The following MCCC2 variants were observed in gnomAD, a reference collection of about 807,000 sequenced individuals.
The protein encoded by MCCC2 is methylcrotonyl-CoA carboxylase subunit 2, also known as methylcrotonoyl-CoA carboxylase beta chain, mitochondrial.
Under a neutral mutation model 77.2 loss-of-function variants are expected in MCCC2, and 52 were observed. The observed-to-expected ratio is 0.67, with a 90% CI of 0.54 to 0.85. The LOEUF is 0.85. MCCC2 is among the 40% of genes least tolerant of loss of function. The pLI is 0.00. For missense variants in MCCC2, 682 were observed against 703.2 expected (o/e 0.97, Z 0.34); for synonymous variants, 253 against 248.4 (o/e 1.02, Z -0.18).
intron 6 of MCCC2, among the ~76,000 whole-genome samples, chr5:71,612,169 T>C (rs188874759): frequency 1.3e-5 from 2 of 152,328 alleles, no homozygotes; most frequent in Admixed American, 1.3e-4. Context: ...TTTATTAAGA[T>C]TAGGTATTAG....
intron 15 of MCCC2, among the ~76,000 whole-genome samples, chr5:71,650,828 T>C (rs1392827941): frequency 1.3e-5 from 2 of 152,172 alleles, no homozygotes; most frequent in Non-Finnish European, 2.9e-5. Context: ...TTTTTGTATT[T>C]TTAGTAGAGA....
intron 6 of MCCC2, among the ~76,000 whole-genome samples, chr5:71,624,663 T>C (rs277992): frequency 0.32 from 47,432 of 146,370 alleles, 8,370 homozygotes; most frequent in East Asian, 0.52. Context: ...AGGCGTGAGC[T>C]ACCACACCCA....
intron 10 of MCCC2, among the ~76,000 whole-genome samples, chr5:71,640,322 C>T (rs1047293283): frequency 2.8e-5 from 4 of 145,256 alleles, no homozygotes; most frequent in Non-Finnish European, 4.5e-5. Flanking sequence ...GCTGTTTATC[C>T]TTTTATTTTT....
chr5:71,637,736 TCAGACTGAGTCTCAC>T (rs1312406550), intron 10 of MCCC2, among the ~76,000 whole-genome samples: 3 of 152,164 alleles, frequency 2.0e-5, no homozygotes, highest in African/African-American at 4.8e-5. Flanking sequence ...TTGTTTTTTT[TCAGACTGAGTCTCAC>T]TCTGTCACCC....
intron 2 of MCCC2, among the ~76,000 whole-genome samples, chr5:71,593,536 A>C (rs1389775979): frequency 6.6e-6 from 1 of 151,248 alleles, no homozygotes; most frequent in Non-Finnish European, 1.5e-5. Context: ...TTTTATGAAT[A>C]AATAATTTAT....
At position 71,642,136 on chromosome 5, in the gene MCCC2, A is replaced by C. The variant is rs376114097; in HGVS notation, c.1072+1061A>C. The stretch of plus-strand genomic sequence containing the variant: ...GCCCTGTGGCACTCTTATCCCCTAG[A>C]GTACACAACCTGGTTTCTTCCATCT... On this transcript the variant is annotated intron_variant, in intron 11 of 16. Coordinates refer to ENST00000340941, the MANE Select transcript of MCCC2 (RefSeq NM_022132.5). Among the ~76,000 whole-genome samples, 10 of 152,206 alleles carry C rather than the reference A, an allele frequency of 6.6e-5. No individual in the cohort carries two copies. The South Asian group carries it at 2.1e-3, about 32-fold the overall frequency.
rs555260284 is a variant in MCCC2, at chr5:71,643,638, A to G, written c.1073-181A>G. 6.9e-6 allele frequency: 8 copies of G among 1,156,416 alleles called. No homozygotes were observed. The African/African-American group carries it at 1.2e-4, about 18-fold the overall frequency. The allele number at this position is 1,156,416 out of a possible 1,614,324, so 71.6% of individuals were successfully genotyped here. A position where few individuals can be genotyped will look rare whatever the true frequency, so the allele number is the denominator to read the frequency against. ...ACCCTTTCTAGAAGCAAAAGAAACC[A>G]GAGTCTAGGACCTTAGGAACAAGAA... On this transcript the variant is annotated intron_variant, in intron 11 of 16. Transcript: ENST00000340941.
intron 13 of MCCC2, 81 bp downstream of exon 13, chr5:71,646,358 C>T: frequency 8.1e-7 from 1 of 1,231,764 alleles, no homozygotes; most frequent in Non-Finnish European, 1.2e-6. Context: ...GGACAGCACA[C>T]ATGTAGACCA....
chr5:71,591,748 T>A (rs914999333), intron 1 of MCCC2, among the ~76,000 whole-genome samples: 9 of 151,898 alleles, frequency 5.9e-5, no homozygotes, highest in African/African-American at 2.2e-4. Flanking sequence ...AGTTTTGTTC[T>A]TTTTACTAAT....
chr5:71,643,622 A>T, intron 11 of MCCC2, 197 bp from the exon 12 acceptor site: 1 of 964,118 alleles, frequency 1.0e-6, no homozygotes, highest in Non-Finnish European at 1.5e-6. Flanking sequence ...GACCCTTTCT[A>T]GAAGCAAAAG....
chr5:71,636,129 G>T, intron 10 of MCCC2: 4 of 407,160 alleles, frequency 9.8e-6, no homozygotes, highest in African/African-American at 2.1e-5. Flanking sequence ...TATTTTCTAC[G>T]GCTAGATCTT....
intron 12 of MCCC2, 44 bp downstream of exon 12, chr5:71,643,939 A>G (rs769877086): frequency 6.2e-7 from 1 of 1,611,604 alleles, no homozygotes; most frequent in Non-Finnish European, 8.5e-7. Flanking sequence ...GTTTTAATTT[A>G]ACATAACGTT....
At position 71,656,888 on chromosome 5, in the gene MCCC2, C is replaced by A; in HGVS notation, c.*28C>A. ...GGAATAAAGGATGTTTTCTGTTGGA[C>A]ATGTACTGAAAATTAACACATGTAG... On this transcript the variant is annotated 3_prime_UTR_variant, in exon 17 of 17. Coordinates refer to ENST00000340941, the MANE Select transcript of MCCC2 (RefSeq NM_022132.5). The A allele has an allele frequency of 6.5e-7, 1 of 1,548,314 alleles. No homozygotes were observed. The highest frequency in any genetic ancestry group is 8.9e-7 in the Non-Finnish European group (1 of 1,120,448).
chr5:71,591,434 GTT>G (rs67936266), intron 1 of MCCC2, among the ~76,000 whole-genome samples: 65 of 95,194 alleles, frequency 6.8e-4, no homozygotes, highest in Admixed American at 2.2e-3. Context: ...GTTTTGTTCT[GTT>G]TTTTTTTTTT....
At chr5:71,645,085 A>C (rs1405087852) in intron 12 of MCCC2, among the ~76,000 whole-genome samples, 1 of 152,176 alleles carries the variant, frequency 6.6e-6, no homozygotes, top group African/African-American at 2.4e-5. Flanking sequence ...ACTTTTAATG[A>C]ATATATAATA....
chr5:71,645,741 C>T (rs1747256530), intron 12 of MCCC2, among the ~76,000 whole-genome samples: 1 of 152,196 alleles, frequency 6.6e-6, no homozygotes, highest in Non-Finnish European at 1.5e-5. Context: ...TGATTGACCT[C>T]ATCCTTGACG....
At chr5:71,593,530 A>G (rs1489138193) in intron 2 of MCCC2, among the ~76,000 whole-genome samples, 1 of 151,368 alleles carries the variant, frequency 6.6e-6, no homozygotes, top group East Asian at 1.9e-4. Flanking sequence ...CATAAATTTT[A>G]TGAATAAATA....
chr5:71,610,875 A>G (rs989756002), intron 6 of MCCC2, among the ~76,000 whole-genome samples: 7 of 152,168 alleles, frequency 4.6e-5, no homozygotes, highest in African/African-American at 1.7e-4. Context: ...AGTCCCAGCA[A>G]CTTGGGAGAC....
At chr5:71,649,021 G>T in intron 13 of MCCC2, 76 bp from the exon 14 acceptor site, 1 of 1,529,960 alleles carries the variant, frequency 6.5e-7, no homozygotes, top group South Asian at 1.1e-5. Flanking sequence ...AGTAAAACAA[G>T]ATGTCCTTTT....
Sources: gnomAD v4.1 joint callset for allele counts (sites outside exome capture counted in the v4.1 genomes callset) on GRCh38, gnomAD v4.1.1 for gene constraint, MANE v1.5 for transcripts, NCBI Gene and HGNC (gene_info 2026-07-23, HGNC 2026-07-21) for gene names.